Variants in TPO observed in about 807,000 individuals in gnomAD.
The protein encoded by TPO is thyroid peroxidase, also known as thyroid microsomal antigen.
In TPO, 78 loss-of-function variants were observed where a neutral mutation model predicts 96.9. The ratio of observed to expected loss-of-function variants is 0.81; its 90% CI spans 0.67 to 0.97. The LOEUF is 0.97. Ranked by LOEUF, TPO falls within the 50% of genes least tolerant of loss-of-function variation. The pLI is 0.00. For synonymous variants in TPO, 547 were observed against 538.0 expected, an observed-to-expected ratio of 1.02 and a Z score of -0.23; for missense variants, 1,252 against 1,274.8, an observed-to-expected ratio of 0.98 and a Z score of 0.27.
chr2:1,511,152 C>CTGGGGGTGCCACAGCACAGCCCTGCAGA (rs1674065339), intron 14 of TPO, among the ~76,000 whole-genome samples: 2 of 126,320 alleles, frequency 1.6e-5, no homozygotes, highest in East Asian at 4.5e-4. Flanking sequence ...GTATTCATTT[C>CTGGGGGTGCCACAGCACAGCCCTGCAGA]CTGGGGGTGC....
chr2:1,497,555 C>T (rs1573436715), intron 13 of TPO, among the ~76,000 whole-genome samples: 2 of 152,206 alleles, frequency 1.3e-5, no homozygotes, highest in East Asian at 3.9e-4. Flanking sequence ...TTCAGAACTG[C>T]CCTGCCACAA....
intron 3 of TPO, 69 bp from the exon 4 acceptor site, chr2:1,433,369 A>T: frequency 1.3e-6 from 2 of 1,580,186 alleles, no homozygotes; most frequent in Non-Finnish European, 1.7e-6. Flanking sequence ...CTGCTTAATT[A>T]ATTAGTAATT....
intron 14 of TPO, among the ~76,000 whole-genome samples, chr2:1,510,186 A>G (rs930783041): frequency 1.3e-5 from 2 of 152,240 alleles, no homozygotes; most frequent in Non-Finnish European, 2.9e-5. Context: ...AAATGTTTAA[A>G]TCAATGGTTC....
chr2:1,497,153 G>C (rs1262061715), intron 13 of TPO, among the ~76,000 whole-genome samples: 2 of 152,214 alleles, frequency 1.3e-5, no homozygotes, highest in African/African-American at 2.4e-5. Flanking sequence ...ACCTCCTACA[G>C]GTGGCTGATT....
intron 15 of TPO, among the ~76,000 whole-genome samples, chr2:1,524,936 TCAAATCCCGACTCTGTGCAACCTCCC>T (rs1464891222): frequency 8.2e-5 from 6 of 72,834 alleles, no homozygotes; most frequent in African/African-American, 1.1e-4. Flanking sequence ...TGCAACCTCC[TCAAATCCCGACTCTGTGCAACCTCCC>T]CAAATCCCCC....
At chr2:1,435,190 C>G (rs1257057842) in intron 4 of TPO, among the ~76,000 whole-genome samples, 1 of 152,224 alleles carries the variant, frequency 6.6e-6, no homozygotes, top group East Asian at 1.9e-4. Flanking sequence ...TCTTTGGCCT[C>G]CCAAAGTGCT....
At position 1,478,933 on chromosome 2, in the gene TPO, A is replaced by G. The variant is rs990263713; in HGVS notation, c.1338+1329A>G. Among the ~76,000 whole-genome samples the G allele has an allele frequency of 1.1e-4, 16 of 151,486 alleles. No homozygotes were observed. In the East Asian group the frequency reaches 1.5e-3, roughly 15 times the overall value. On this transcript the variant is annotated intron_variant, in intron 8 of 16. Coordinates refer to ENST00000329066, the MANE Select transcript of TPO (RefSeq NM_001206744.2). Reference sequence around the variant, plus strand: ...CGGCAGACGAGTTCACTGTCCTAACACACACATCCACACAGTAGCGCTTGG... The same window carrying G: ...CGGCAGACGAGTTCACTGTCCTAACGCACACATCCACACAGTAGCGCTTGG...
chr2:1,444,312 G>C (rs867136462), intron 5 of TPO, among the ~76,000 whole-genome samples: 9 of 119,146 alleles, frequency 7.6e-5, no homozygotes, highest in East Asian at 2.6e-4. Flanking sequence ...GGGCAGGCTC[G>C]TTCTTGTTTG....
At chr2:1,493,042 G>A (rs1671926188) in intron 10 of TPO, among the ~76,000 whole-genome samples, 1 of 152,112 alleles carries the variant, frequency 6.6e-6, no homozygotes, top group African/African-American at 2.4e-5. Context: ...CCATGGACGG[G>A]GGCCTGGGCA....
At chr2:1,521,131 C>T (rs1373579270) in intron 15 of TPO, among the ~76,000 whole-genome samples, 2 of 152,118 alleles carry the variant, frequency 1.3e-5, no homozygotes, top group East Asian at 1.9e-4. Flanking sequence ...ATATTCCTAC[C>T]TATGGTATGC....
At chr2:1,402,814 G>C (rs962879308) in intron 1 of TPO, among the ~76,000 whole-genome samples, 3 of 152,134 alleles carry the variant, frequency 2.0e-5, no homozygotes, top group Non-Finnish European at 4.4e-5. Flanking sequence ...TACAATTCAA[G>C]ATGAGATTGA....
chr2:1,392,554 G>A (rs911555499), intron 1 of TPO, among the ~76,000 whole-genome samples: 1 of 152,186 alleles, frequency 6.6e-6, no homozygotes, highest in African/African-American at 2.4e-5. Flanking sequence ...TTTTTCTATT[G>A]ATTGGAATAG....
chr2:1,454,845 G>A (rs922573647), intron 6 of TPO, among the ~76,000 whole-genome samples: 3 of 152,340 alleles, frequency 2.0e-5, no homozygotes, highest in Non-Finnish European at 4.4e-5. Context: ...GAGTTCAAGT[G>A]TCTTTAAATG....
At chr2:1,532,968 T>C (rs1397337462) in intron 15 of TPO, among the ~76,000 whole-genome samples, 9 of 47,172 alleles carry the variant, frequency 1.9e-4, no homozygotes, top group Non-Finnish European at 2.0e-4. Flanking sequence ...CCCCACTGTG[T>C]CCAGCCTCCC....
At chr2:1,497,872 C>T (rs1672510326) in intron 13 of TPO, among the ~76,000 whole-genome samples, 1 of 151,524 alleles carries the variant, frequency 6.6e-6, no homozygotes. Flanking sequence ...TCAGTTTTCT[C>T]AGAGTTTTCA....
intron 1 of TPO, among the ~76,000 whole-genome samples, chr2:1,407,477 A>C (rs1662264880): frequency 6.6e-6 from 1 of 152,230 alleles, no homozygotes; most frequent in Non-Finnish European, 1.5e-5. Flanking sequence ...TTGTCAATCT[A>C]ACAAAAGCCA....
chr2:1,443,853 A>G (rs12986550), intron 5 of TPO, among the ~76,000 whole-genome samples: 118 of 37,624 alleles, frequency 3.1e-3, no homozygotes, highest in Middle Eastern at 0.016. Flanking sequence ...CTTCTTGTTT[A>G]TATGATCCAG....
chr2:1,538,089 CT>C (rs199807839), intron 15 of TPO, among the ~76,000 whole-genome samples: 1 of 98,748 alleles, frequency 1.0e-5, no homozygotes, highest in African/African-American at 5.2e-5. Flanking sequence ...TCCTCAAATC[CT>C]CCCCACTGTG....
At chr2:1,447,109 C>T (rs1666900794) in intron 5 of TPO, among the ~76,000 whole-genome samples, 2 of 152,172 alleles carry the variant, frequency 1.3e-5, no homozygotes, top group Non-Finnish European at 2.9e-5. Flanking sequence ...AAAAACTAAT[C>T]TGACCGTGAT....
Sources: allele counts gnomAD v4.1 joint callset (sites outside exome capture counted in the v4.1 genomes callset), GRCh38; gene constraint gnomAD v4.1.1; transcripts MANE v1.5; gene names NCBI Gene and HGNC (gene_info 2026-07-23, HGNC 2026-07-21).